CTNNA2: variants seen among roughly 807,000 people sequenced by gnomAD.
CTNNA2 encodes catenin alpha-2.
Under a neutral mutation model 101.0 loss-of-function variants are expected in CTNNA2, and 42 were observed. The ratio of observed to expected loss-of-function variants is 0.42; its 90% CI spans 0.32 to 0.54. CTNNA2 has a LOEUF of 0.54. CTNNA2 is among the 20% of genes least tolerant of loss of function. The pLI is 0.14. For missense variants in CTNNA2, 871 were observed against 1,223.1 expected (o/e 0.71, Z 4.29); for synonymous variants, 450 against 456.4 (o/e 0.99, Z 0.18).
chr2:80,609,700 G>GT (rs1272185905), intron 17 of CTNNA2, among the ~76,000 whole-genome samples: 2 of 151,714 alleles, frequency 1.3e-5, no homozygotes, highest in African/African-American at 4.8e-5. Context: ...TATAGCCCCT[G>GT]TGGAACTGAG....
At chr2:79,830,672 C>G (rs1678862053) in intron 3 of CTNNA2, among the ~76,000 whole-genome samples, 1 of 152,114 alleles carries the variant, frequency 6.6e-6, no homozygotes, top group East Asian at 1.9e-4. Flanking sequence ...ACAAGCTGGT[C>G]TAGCAGCAGG....
chr2:80,119,581 A>G (rs1418966899), intron 7 of CTNNA2, among the ~76,000 whole-genome samples: 1 of 152,212 alleles, frequency 6.6e-6, no homozygotes, highest in African/African-American at 2.4e-5. Flanking sequence ...CTTTGAAAAC[A>G]TATATGTCAG....
rs917864286 is a variant in CTNNA2 at position 79,594,667 on chromosome 2, G to T, written c.-5-56885G>T. On this transcript the variant is annotated intron_variant, in intron 1 of 18. Coordinates refer to ENST00000402739, the MANE Select transcript of CTNNA2 (RefSeq NM_001282597.3). ...TCTTAGTGTATTTCCTTCATTCTCA[G>T]AAATGATACATTAAGAGGGCATTTC... 3.3e-5 allele frequency among the ~76,000 whole-genome samples: 5 copies of T among 152,004 alleles called. No homozygotes were observed. In the South Asian group the frequency reaches 6.2e-4, roughly 19 times the overall value.
intron 7 of CTNNA2, among the ~76,000 whole-genome samples, chr2:79,959,205 T>C (rs1004647832): frequency 6.6e-6 from 1 of 152,086 alleles, no homozygotes; most frequent in Non-Finnish European, 1.5e-5. Flanking sequence ...TTAGCTACTA[T>C]TTGTCTATAT....
intron 9 of CTNNA2, among the ~76,000 whole-genome samples, chr2:80,429,930 A>T (rs1027754074): frequency 2.6e-5 from 4 of 152,228 alleles, no homozygotes; most frequent in African/African-American, 9.6e-5. Context: ...AACTATGCAC[A>T]TAATGTAAAT....
At position 80,482,858 on chromosome 2, in the gene CTNNA2, G is replaced by T. The variant is rs141506858; in HGVS notation, c.1291-62124G>T. Among the ~76,000 whole-genome samples the T allele has an allele frequency of 5.9e-5, 9 of 152,270 alleles. No individual in the cohort carries two copies. In the East Asian group the frequency reaches 1.5e-3, roughly 26 times the overall value. ...AATAGTTGTGCCCGCTTCAGAACAA[G>T]AACTTGCTTTCTTGTTCTCCACAAT... On this transcript the variant is annotated intron_variant, in intron 9 of 18. Transcript: ENST00000402739.
At chr2:80,462,997 A>G (rs1684568466) in intron 9 of CTNNA2, among the ~76,000 whole-genome samples, 1 of 152,014 alleles carries the variant, frequency 6.6e-6, no homozygotes, top group Admixed American at 6.6e-5. Context: ...TGATTATTCC[A>G]GATTCTATGG....
chr2:79,572,688 G>C (rs776750252), intron 1 of CTNNA2, among the ~76,000 whole-genome samples: 1 of 152,172 alleles, frequency 6.6e-6, no homozygotes, highest in Non-Finnish European at 1.5e-5. Flanking sequence ...AGAGGTGGAG[G>C]TTGCAGTGAA....
At chr2:79,334,541 C>G (rs1468427246) in intron 3 of CTNNA2, among the ~76,000 whole-genome samples, 1 of 151,218 alleles carries the variant, frequency 6.6e-6, no homozygotes, top group Non-Finnish European at 1.5e-5. Flanking sequence ...AAATTACAGA[C>G]AAATTTAAGA....
intron 9 of CTNNA2, among the ~76,000 whole-genome samples, chr2:80,421,558 T>C (rs914047037): frequency 1.3e-5 from 2 of 152,190 alleles, no homozygotes; most frequent in Admixed American, 1.3e-4. Context: ...TGTAGGTAAA[T>C]CTGTTCACTA....
chr2:79,599,879 A>C (rs1224612877), intron 1 of CTNNA2, among the ~76,000 whole-genome samples: 1 of 152,166 alleles, frequency 6.6e-6, no homozygotes, highest in Admixed American at 6.5e-5. Flanking sequence ...TAGTGAAGAG[A>C]TATTGGTTGA....
chr2:80,534,399 A>G (rs186397245), intron 9 of CTNNA2, among the ~76,000 whole-genome samples: 2 of 152,320 alleles, frequency 1.3e-5, no homozygotes, highest in African/African-American at 4.8e-5. Flanking sequence ...CTAATTCTAG[A>G]TCATAGAACT....
rs369450978 is a variant in CTNNA2 at position 79,820,118 on chromosome 2, C to T, written c.299-37895C>T. On this transcript the variant is annotated intron_variant, in intron 3 of 18. Transcript: ENST00000402739. The stretch of plus-strand genomic sequence containing the variant: ...ATTTTAAAAAATAAGCCATATGATG[C>T]CACATATCAAAAAATGTTTAAAGTG... 6.9e-4 allele frequency among the ~76,000 whole-genome samples: 105 copies of T among 152,070 alleles called. 5 individuals carry two copies. The South Asian group carries it at 0.021, about 31-fold the overall frequency.
intron 2 of CTNNA2, among the ~76,000 whole-genome samples, chr2:79,698,473 C>T (rs984026431): frequency 6.6e-6 from 1 of 151,960 alleles, no homozygotes; most frequent in Non-Finnish European, 1.5e-5. Flanking sequence ...TGAGTTGCAA[C>T]AAATAATATT....
At chr2:80,444,545 G>T (rs1311541530) in intron 9 of CTNNA2, among the ~76,000 whole-genome samples, 1 of 152,120 alleles carries the variant, frequency 6.6e-6, no homozygotes, top group East Asian at 1.9e-4. Context: ...GATGTTGATA[G>T]GGCTGAATTG....
intron 7 of CTNNA2, among the ~76,000 whole-genome samples, chr2:80,260,827 T>C (rs1672552782): frequency 6.6e-6 from 1 of 152,242 alleles, no homozygotes; most frequent in Admixed American, 6.5e-5. Context: ...TAATTCGTAA[T>C]TGAATTAAGC....
chr2:79,256,953 A>G (rs1674854040), intron 2 of CTNNA2, among the ~76,000 whole-genome samples: 1 of 152,254 alleles, frequency 6.6e-6, no homozygotes, highest in African/African-American at 2.4e-5. Context: ...TACATCATTC[A>G]TATGAAAAGC....
chr2:80,029,176 T>G (rs919953248), intron 7 of CTNNA2, among the ~76,000 whole-genome samples: 4 of 152,210 alleles, frequency 2.6e-5, no homozygotes, highest in Non-Finnish European at 4.4e-5. Context: ...TTACTACTAC[T>G]GCATTTGAGC....
At chr2:80,502,979 C>G (rs569035923) in intron 9 of CTNNA2, among the ~76,000 whole-genome samples, 73 of 152,198 alleles carry the variant, frequency 4.8e-4, no homozygotes, top group African/African-American at 1.7e-3. Flanking sequence ...CCAGTGTAAG[C>G]AACATAACAA....
Sources: gnomAD v4.1 joint callset for allele counts (sites outside exome capture counted in the v4.1 genomes callset) on GRCh38, gnomAD v4.1.1 for gene constraint, MANE v1.5 for transcripts, NCBI Gene and HGNC (gene_info 2026-07-23, HGNC 2026-07-21) for gene names.